Variants in ARFGEF3 observed in about 807,000 individuals in gnomAD.
ARFGEF3 encodes brefeldin A-inhibited guanine nucleotide-exchange protein 3.
In ARFGEF3, 96 loss-of-function variants were observed where a neutral mutation model predicts 221.7. The observed-to-expected ratio is 0.43, with a 90% CI of 0.37 to 0.51. The LOEUF is 0.51. ARFGEF3 is among the 20% of genes least tolerant of loss of function. The pLI is 0.00. For missense variants in ARFGEF3, 2,410 were observed against 2,789.9 expected (o/e 0.86, Z 3.07); for synonymous variants, 1,145 against 1,126.8 (o/e 1.02, Z -0.32).
At chr6:138,255,321 G>A in intron 9 of ARFGEF3, 115 bp from the exon 10 acceptor site, 1 of 682,748 alleles carries the variant, frequency 1.5e-6, no homozygotes, top group Non-Finnish European at 2.4e-6. Flanking sequence ...GTAGCCAAAA[G>A]AAGAAGAAGT....
intron 2 of ARFGEF3, among the ~76,000 whole-genome samples, chr6:138,200,597 G>T (rs982952207): frequency 1.3e-5 from 2 of 151,992 alleles, no homozygotes; most frequent in African/African-American, 2.4e-5. Flanking sequence ...TTCAACAAAT[G>T]GTGCTGGGAT....
Position 138,243,600 on chromosome 6 carries a change from T to G in ARFGEF3, c.586+606T>G, listed in dbSNP as rs987261388. Among the ~76,000 whole-genome samples, 9 of 152,314 alleles carry G rather than the reference T, an allele frequency of 5.9e-5. No homozygotes were observed. In the East Asian group the frequency reaches 1.7e-3, roughly 29 times the overall value. ...TTTTCTGAAAGTATGCAAAAATATCTGATTAAAAAATTGAAATTTAGACTT... is the reference window on the plus strand; with the variant it reads ...TTTTCTGAAAGTATGCAAAAATATCGGATTAAAAAATTGAAATTTAGACTT... On this transcript the variant is annotated intron_variant, in intron 7 of 33. Coordinates refer to ENST00000251691, the MANE Select transcript of ARFGEF3 (RefSeq NM_020340.5).
At position 138,162,562 on chromosome 6, in the gene ARFGEF3, G is replaced by T. The variant is rs1368680453; in HGVS notation, c.85+391G>T. Among the ~76,000 whole-genome samples the T allele has an allele frequency of 1.3e-5, 2 of 152,218 alleles. No homozygotes were observed. The highest frequency in any genetic ancestry group is 1.9e-4 in the East Asian group (1 of 5,194). ...AAGTTAAACCAACAACCCCGATGTCGAATCCTTGGCGAGTGGAACCAGGAA... is the reference window on the plus strand; with the variant it reads ...AAGTTAAACCAACAACCCCGATGTCTAATCCTTGGCGAGTGGAACCAGGAA... On this transcript the variant is annotated intron_variant, in intron 1 of 33. Coordinates refer to ENST00000251691, the MANE Select transcript of ARFGEF3 (RefSeq NM_020340.5). The surrounding 1 kb of genome is among the most constrained non-coding windows in gnomAD (Gnocchi z 4.7).
At chr6:138,165,895 T>C (rs543997376) in intron 1 of ARFGEF3, among the ~76,000 whole-genome samples, 1 of 152,350 alleles carries the variant, frequency 6.6e-6, no homozygotes, top group Admixed American at 6.5e-5. Context: ...TGATCCTTGG[T>C]TTCCCTTGTT....
intron 32 of ARFGEF3, among the ~76,000 whole-genome samples, chr6:138,333,396 T>C (rs1224254981): frequency 1.3e-5 from 2 of 152,216 alleles, no homozygotes; most frequent in Admixed American, 1.3e-4. Context: ...CTGTGATATC[T>C]TGACAACTAT....
At position 138,244,013 on chromosome 6, in the gene ARFGEF3, T is replaced by C. The variant is rs1298962332; in HGVS notation, c.586+1019T>C. Among the ~76,000 whole-genome samples the C allele has an allele frequency of 5.3e-5, 8 of 152,304 alleles. No homozygotes were observed. The East Asian group carries it at 1.5e-3, about 29-fold the overall frequency. On this transcript the variant is annotated intron_variant, in intron 7 of 33. Coordinates refer to ENST00000251691, the MANE Select transcript of ARFGEF3 (RefSeq NM_020340.5). The stretch of plus-strand genomic sequence containing the variant: ...ATAAAGGCTTCACTTTAATGTAGGA[T>C]GATTTTATAAACTAAAAAAAGGGGG...
intron 19 of ARFGEF3, among the ~76,000 whole-genome samples, chr6:138,293,787 T>C (rs1165770518): frequency 1.3e-5 from 2 of 152,240 alleles, no homozygotes; most frequent in African/African-American, 4.8e-5. Context: ...TATTTTTAAA[T>C]ATATTCTTTG....
chr6:138,294,225 C>A, intron 20 of ARFGEF3, 99 bp downstream of exon 20: 1 of 1,278,782 alleles, frequency 7.8e-7, no homozygotes, highest in Non-Finnish European at 1.1e-6. Flanking sequence ...ACTCCACATT[C>A]CCATTGCTTA....
At chr6:138,242,422 T>G (rs1462331291) in intron 6 of ARFGEF3, among the ~76,000 whole-genome samples, 5 of 152,202 alleles carry the variant, frequency 3.3e-5, no homozygotes, top group Admixed American at 2.0e-4. Flanking sequence ...ACAGTTAAAA[T>G]GCTCCCCATC....
intron 2 of ARFGEF3, among the ~76,000 whole-genome samples, chr6:138,199,972 T>A (rs1298266277): frequency 6.6e-6 from 1 of 152,122 alleles, no homozygotes; most frequent in Non-Finnish European, 1.5e-5. Flanking sequence ...GAGGGAATGC[T>A]TTCAACTTTT....
At chr6:138,238,165 C>G (rs1161675479) in intron 5 of ARFGEF3, among the ~76,000 whole-genome samples, 2 of 152,322 alleles carry the variant, frequency 1.3e-5, no homozygotes, top group East Asian at 3.9e-4. Context: ...TGTTCTATTT[C>G]ACTACGAAGG....
intron 12 of ARFGEF3, among the ~76,000 whole-genome samples, chr6:138,269,397 A>G (rs1011121664): frequency 6.6e-6 from 1 of 152,252 alleles, no homozygotes; most frequent in Non-Finnish European, 1.5e-5. Flanking sequence ...ATACAAGTTT[A>G]CCTTGCTATC....
At position 138,323,761 on chromosome 6, in the gene ARFGEF3, C is replaced by T. The variant is rs1436351447; in HGVS notation, c.4857C>T (p.Leu1619=). The T allele has an allele frequency of 1.2e-6, 2 of 1,613,954 alleles. No homozygotes were observed. The highest frequency in any genetic ancestry group is 8.5e-7 in the Non-Finnish European group (1 of 1,179,838). Residue 1619 remains leucine, a synonymous_variant, in exon 30 of 34, where the codon CTC becomes CTT. Transcript: ENST00000251691. ...TGCAAGATGCGTTCTCTGCCACACTCAAGCCAGTGAAGGTACATCACTGGG... is the reference window on the plus strand; with the variant it reads ...TGCAAGATGCGTTCTCTGCCACACTTAAGCCAGTGAAGGTACATCACTGGG... ...CALQDAFSAT[L]KPVKDLLGCF...
intron 33 of ARFGEF3, 105 bp from the exon 34 acceptor site, chr6:138,336,190 C>G (rs767793845): frequency 2.4e-6 from 2 of 831,100 alleles, no homozygotes; most frequent in African/African-American, 3.5e-5. Flanking sequence ...TTTATTGCAA[C>G]TAAAGCCTGG....
At position 138,294,010 on chromosome 6, in the gene ARFGEF3, C is replaced by A; in HGVS notation, c.3386C>A (p.Thr1129Lys). 1 of 1,613,720 alleles carries A rather than the reference C, an allele frequency of 6.2e-7. No homozygotes were observed. Among genetic ancestry groups the A allele is most frequent in the Non-Finnish European group, 8.5e-7 (1 of 1,179,822 alleles). Residue 1129 changes from threonine (T) to lysine (K), a missense_variant, in exon 20 of 34, where the codon ACG (threonine) becomes AAG (lysine). Physicochemically the swap from Thr to Lys is moderately conservative, Grantham distance 78 (BLOSUM62 -1). Coordinates refer to ENST00000251691, the MANE Select transcript of ARFGEF3 (RefSeq NM_020340.5). Reference protein sequence around the residue: ...TQADRLFEDATDKLNLMALGG... With the variant: ...TQADRLFEDAKDKLNLMALGG... ...GCATCCAGGCTCTTTGAAGATGCTA[C>A]GGATAAGTTGAACCTCATGGCCTTG...
intron 23 of ARFGEF3, among the ~76,000 whole-genome samples, chr6:138,307,640 T>C (rs1779749990): frequency 6.6e-6 from 1 of 152,216 alleles, no homozygotes; most frequent in Non-Finnish European, 1.5e-5. Context: ...ACTTCTGTTG[T>C]TTCACTTACA....
At chr6:138,300,038 G>A (rs1233649780) in intron 22 of ARFGEF3, among the ~76,000 whole-genome samples, 2 of 151,626 alleles carry the variant, frequency 1.3e-5, no homozygotes, top group African/African-American at 4.8e-5. Flanking sequence ...AGGTACGTGA[G>A]CTCTCAGTAT....
chr6:138,240,224 GA>G lies in ARFGEF3; in HGVS notation c.543+1600del, dbSNP rs530795787. Among the ~76,000 whole-genome samples the G allele has an allele frequency of 2.3e-3, 357 of 151,982 alleles. 1 individual carries two copies. The highest frequency in any genetic ancestry group is 7.5e-3 in the African/African-American group (312 of 41,490). ...TAAAATACATAAATAGAAAATAAGA[GA>G]AAAAAATTTTAATTGAGATAAATCT... is the stretch of plus-strand genomic sequence containing the variant. On this transcript the variant is annotated intron_variant, in intron 6 of 33. Transcript: ENST00000251691.
chr6:138,205,696 T>C (rs1777612852), intron 2 of ARFGEF3, among the ~76,000 whole-genome samples: 1 of 152,190 alleles, frequency 6.6e-6, no homozygotes, highest in African/African-American at 2.4e-5. Flanking sequence ...TATCCATCTG[T>C]CAAAGGATGA....
Sources: allele counts gnomAD v4.1 joint callset (sites outside exome capture counted in the v4.1 genomes callset), GRCh38; gene constraint gnomAD v4.1.1; non-coding constraint Gnocchi (gnomAD v3.1); transcripts MANE v1.5; gene names NCBI Gene and HGNC (gene_info 2026-07-23, HGNC 2026-07-21).